Variants in COL10A1 observed in about 807,000 individuals in gnomAD.
COL10A1 encodes the protein collagen alpha-1(X) chain.
Under a neutral mutation model 18.2 loss-of-function variants are expected in COL10A1, and 10 were observed. The observed-to-expected ratio is 0.55, with a 90% CI of 0.34 to 0.93. The LOEUF (loss-of-function observed/expected upper bound fraction) is 0.93, where lower values mean the gene tolerates loss of function less well. Among genes scored for constraint, COL10A1 ranks in the 40% least tolerant of loss-of-function variants. The pLI, the probability that COL10A1 is intolerant of heterozygous loss-of-function variation, is 0.02. For missense variants in COL10A1, 897 were observed against 853.5 expected (o/e 1.05, Z -0.64); for synonymous variants, 330 against 316.6 (o/e 1.04, Z -0.45).
At chr6:116,185,899 T>G in the COL10A1 span, among the ~76,000 whole-genome samples, 1 of 152,100 alleles carries the variant, frequency 6.6e-6, no homozygotes, top group African/African-American at 2.4e-5. Flanking sequence ...TACTATTCTA[T>G]TCATCCTGCA....
the COL10A1 span, among the ~76,000 whole-genome samples, chr6:116,215,130 A>G: frequency 2.0e-5 from 3 of 152,170 alleles, no homozygotes; most frequent in Non-Finnish European, 4.4e-5. Context: ...CATTGTACTG[A>G]TATTAATGTA....
chr6:116,175,659 A>G, the COL10A1 span, among the ~76,000 whole-genome samples: 3 of 152,278 alleles, frequency 2.0e-5, no homozygotes, highest in East Asian at 3.9e-4. Context: ...TCTATTGACT[A>G]CTGTTCAAGT....
At chr6:116,159,870 T>C (rs10223561), upstream of COL10A1, among the ~76,000 whole-genome samples, 2,998 of 152,254 alleles carry the variant, frequency 0.02, 95 homozygotes, top group African/African-American at 0.067. Context: ...GCGATATTTG[T>C]TTTTTTGTTT....
chr6:116,146,436 A>T (rs1562137975), intron 1 of COL10A1, among the ~76,000 whole-genome samples: 1 of 152,176 alleles, frequency 6.6e-6, no homozygotes, highest in Non-Finnish European at 1.5e-5. Flanking sequence ...TAAGTAAATA[A>T]CTGGAGTTGC....
chr6:116,182,664 G>A, the COL10A1 span, among the ~76,000 whole-genome samples: 4 of 151,822 alleles, frequency 2.6e-5, no homozygotes, highest in African/African-American at 9.7e-5. Context: ...TTACATGTTT[G>A]TTGTCCATTT....
chr6:116,205,074 G>A, the COL10A1 span, among the ~76,000 whole-genome samples: 2 of 151,978 alleles, frequency 1.3e-5, no homozygotes, highest in African/African-American at 4.8e-5. Context: ...GTGCAGAAGT[G>A]TCCAAGCAAA....
chr6:116,187,608 C>A, the COL10A1 span, among the ~76,000 whole-genome samples: 1 of 151,996 alleles, frequency 6.6e-6, no homozygotes, highest in Non-Finnish European at 1.5e-5. Context: ...TACAGCAGAG[C>A]AGTGGGGAAA....
the COL10A1 span, among the ~76,000 whole-genome samples, chr6:116,188,513 A>G: frequency 0.016 from 2,457 of 152,122 alleles, 26 homozygotes; most frequent in Non-Finnish European, 0.025. Flanking sequence ...ACAGAAAATG[A>G]GAGAGAAAAA....
chr6:116,152,451 A>G (rs1353646013), intron 1 of COL10A1, among the ~76,000 whole-genome samples: 1 of 152,072 alleles, frequency 6.6e-6, no homozygotes, highest in Non-Finnish European at 1.5e-5. Flanking sequence ...TGTGTCCTCT[A>G]GCTTTAAACT....
the COL10A1 span, among the ~76,000 whole-genome samples, chr6:116,193,437 G>A: frequency 6.6e-6 from 1 of 152,034 alleles, no homozygotes; most frequent in Non-Finnish European, 1.5e-5. Context: ...TTCAAATCTG[G>A]AACTTGCAAC....
chr6:116,207,400 A>G, the COL10A1 span, among the ~76,000 whole-genome samples: 1 of 151,720 alleles, frequency 6.6e-6, no homozygotes, highest in Non-Finnish European at 1.5e-5. Context: ...CTTTAATTAG[A>G]TAGATGATAG....
In COL10A1 at chr6:116,120,914, C is replaced by T. The variant is rs1158588519; in HGVS notation, c.1202G>A (p.Gly401Asp). 1.2e-6 allele frequency: 2 copies of T among 1,613,848 alleles called. No individual in the cohort carries two copies. Among genetic ancestry groups the T allele is most frequent in the Non-Finnish European group, 1.7e-6 (2 of 1,179,930 alleles). The change falls in exon 3 of 3, where the codon GGT becomes GAT. Residue 401 changes from glycine (G) to aspartate (D), a missense_variant. Coordinates refer to ENST00000651968, the MANE Select transcript of COL10A1 (RefSeq NM_000493.4). ...TTTTGGACCTGGTAACCCTGGGTTA[C>T]CCTTAGGACCATCGAGACCTGGTTT... ...PGKPGLDGPK[G>D]NPGLPGPKGD... is the part of the protein sequence containing the mutation.
intron 1 of COL10A1, among the ~76,000 whole-genome samples, chr6:116,131,162 G>A (rs188706741): frequency 6.6e-6 from 1 of 152,202 alleles, no homozygotes; most frequent in East Asian, 1.9e-4. Context: ...GCTGATCTCC[G>A]TGGTATGGTC....
chr6:116,155,281 A>G (rs1023457741), intron 1 of COL10A1, among the ~76,000 whole-genome samples: 2 of 152,182 alleles, frequency 1.3e-5, no homozygotes, highest in African/African-American at 4.8e-5. Flanking sequence ...ACTGCTCCAG[A>G]TATCTGGGAT....
At chr6:116,177,184 T>G in the COL10A1 span, among the ~76,000 whole-genome samples, 1 of 152,220 alleles carries the variant, frequency 6.6e-6, no homozygotes, top group Non-Finnish European at 1.5e-5. Context: ...GCTTTTCGTT[T>G]CCAACAAATT....
At chr6:116,205,143 C>T in the COL10A1 span, among the ~76,000 whole-genome samples, 1 of 151,912 alleles carries the variant, frequency 6.6e-6, no homozygotes, top group African/African-American at 2.4e-5. Context: ...ACCCCTTCCT[C>T]ATCCCTCTTT....
the COL10A1 span, among the ~76,000 whole-genome samples, chr6:116,175,885 T>C: frequency 2.0e-5 from 3 of 152,346 alleles, no homozygotes; most frequent in East Asian, 5.8e-4. Context: ...ATAATTCCAA[T>C]GTATGAATCA....
At chr6:116,175,845 C>A in the COL10A1 span, among the ~76,000 whole-genome samples, 2 of 152,114 alleles carry the variant, frequency 1.3e-5, no homozygotes, top group Non-Finnish European at 2.9e-5. Flanking sequence ...TTTAACAGTT[C>A]AATCTTAGTC....
At chr6:116,175,086 A>T in the COL10A1 span, among the ~76,000 whole-genome samples, 1 of 152,152 alleles carries the variant, frequency 6.6e-6, no homozygotes, top group Non-Finnish European at 1.5e-5. Context: ...CAGAAATTTA[A>T]TTTTCTTGAG....
Sources: gnomAD v4.1 joint callset for allele counts (sites outside exome capture counted in the v4.1 genomes callset) on GRCh38, gnomAD v4.1.1 for gene constraint, MANE v1.5 for transcripts, NCBI Gene and HGNC (gene_info 2026-07-23, HGNC 2026-07-21) for gene names.